Variants in CTNND2 observed in about 807,000 individuals in gnomAD.
The protein encoded by CTNND2 is catenin delta 2, also known as catenin delta-2.
A neutral mutation model predicts 144.4 loss-of-function variants in CTNND2; 22 were observed. The observed-to-expected ratio is 0.15, with a 90% CI of 0.11 to 0.22. The LOEUF (loss-of-function observed/expected upper bound fraction) is 0.22, where lower values mean the gene tolerates loss of function less well. CTNND2 is among the 10% of genes least tolerant of loss of function. The probability of loss-of-function intolerance (pLI) is 1.00; values close to 1 mark genes in which losing one functional copy is unlikely to be tolerated. For missense variants in CTNND2, 1,353 were observed against 1,618.8 expected, an observed-to-expected ratio of 0.84 and a Z score of 2.82; for synonymous variants, 751 against 695.6, an observed-to-expected ratio of 1.08 and a Z score of -1.25.
intron 3 of CTNND2, among the ~76,000 whole-genome samples, chr5:11,505,174 C>T (rs548959578): frequency 6.0e-5 from 9 of 149,768 alleles, no homozygotes; most frequent in South Asian, 2.1e-4. Context: ...AGAAAAAATA[C>T]GACAAATGAT....
At chr5:11,514,022 T>C (rs564882647) in intron 3 of CTNND2, among the ~76,000 whole-genome samples, 59 of 152,034 alleles carry the variant, frequency 3.9e-4, no homozygotes, top group Middle Eastern at 3.4e-3. Flanking sequence ...CTACAAAAAT[T>C]TAAAAAAAGA....
At chr5:11,419,425 G>T (rs1762192333) in intron 3 of CTNND2, among the ~76,000 whole-genome samples, 1 of 152,048 alleles carries the variant, frequency 6.6e-6, no homozygotes, top group African/African-American at 2.4e-5. Flanking sequence ...CTCAAATGAT[G>T]CCAAACAATT....
chr5:11,203,230 T>C (rs1190921511), intron 10 of CTNND2, among the ~76,000 whole-genome samples: 1 of 152,136 alleles, frequency 6.6e-6, no homozygotes, highest in Admixed American at 6.5e-5. Flanking sequence ...TGAAAACCTA[T>C]CAGAAGAAAC....
chr5:11,784,285 C>T (rs1189965852), intron 1 of CTNND2, among the ~76,000 whole-genome samples: 3 of 152,122 alleles, frequency 2.0e-5, no homozygotes, highest in East Asian at 1.9e-4. Flanking sequence ...AAAAAGGTAA[C>T]GTTTTAAATT....
intron 2 of CTNND2, among the ~76,000 whole-genome samples, chr5:11,577,678 G>T (rs1778072281): frequency 6.6e-6 from 1 of 152,052 alleles, no homozygotes; most frequent in African/African-American, 2.4e-5. Context: ...TTACCATCAG[G>T]CAAATTACAT....
At chr5:11,690,402 G>A (rs960864239) in intron 2 of CTNND2, among the ~76,000 whole-genome samples, 7 of 152,166 alleles carry the variant, frequency 4.6e-5, no homozygotes, top group Admixed American at 4.6e-4. Flanking sequence ...ACAGCGAAGT[G>A]AAGCAAAATG....
intron 1 of CTNND2, among the ~76,000 whole-genome samples, chr5:11,857,798 T>A (rs2127018073): frequency 6.6e-6 from 1 of 152,324 alleles, no homozygotes; most frequent in African/African-American, 2.4e-5. Flanking sequence ...ATGTGTTTTG[T>A]GATCGTGCAT....
chr5:11,133,412 A>T (rs556462846), intron 12 of CTNND2, among the ~76,000 whole-genome samples: 1 of 152,088 alleles, frequency 6.6e-6, no homozygotes, highest in African/African-American at 2.4e-5. Flanking sequence ...GAGTGCAATG[A>T]TGCGATCTTG....
At chr5:10,999,364 C>G (rs143456907) in intron 18 of CTNND2, among the ~76,000 whole-genome samples, 175 of 152,186 alleles carry the variant, frequency 1.1e-3, no homozygotes, top group African/African-American at 4.1e-3. Context: ...GTTAAAATAT[C>G]AACTTATTGT....
intron 3 of CTNND2, among the ~76,000 whole-genome samples, chr5:11,513,724 T>A (rs1771868799): frequency 6.6e-6 from 1 of 152,190 alleles, no homozygotes; most frequent in Non-Finnish European, 1.5e-5. Flanking sequence ...ACGTCTTAAT[T>A]TGCAAATGTG....
chr5:10,998,104 T>C (rs979379585), intron 18 of CTNND2, among the ~76,000 whole-genome samples: 1 of 152,232 alleles, frequency 6.6e-6, no homozygotes, highest in Non-Finnish European at 1.5e-5. Context: ...GGAACTCCTA[T>C]ATGGATGCAC....
intron 12 of CTNND2, among the ~76,000 whole-genome samples, chr5:11,149,625 G>C (rs1044369327): frequency 3.3e-5 from 5 of 152,078 alleles, no homozygotes; most frequent in Non-Finnish European, 5.9e-5. Flanking sequence ...TGATGTATTT[G>C]TACCTCTACG....
chr5:11,732,967 G>C (rs572405701), intron 1 of CTNND2, among the ~76,000 whole-genome samples: 1 of 152,082 alleles, frequency 6.6e-6, no homozygotes, highest in Admixed American at 6.5e-5. Flanking sequence ...GACTGGGTTC[G>C]TAGAGCTTCT....
intron 3 of CTNND2, among the ~76,000 whole-genome samples, chr5:11,484,728 G>C (rs1291088895): frequency 1.3e-5 from 2 of 152,186 alleles, no homozygotes; most frequent in Non-Finnish European, 2.9e-5. Flanking sequence ...TATGGAGCAA[G>C]TATGAACTCA....
chr5:11,840,488 C>T (rs573783381), intron 1 of CTNND2, among the ~76,000 whole-genome samples: 5 of 152,202 alleles, frequency 3.3e-5, no homozygotes, highest in African/African-American at 1.2e-4. Flanking sequence ...CGATAAATAT[C>T]TTCTATGGTT....
intron 9 of CTNND2, among the ~76,000 whole-genome samples, chr5:11,260,264 T>TTA (rs1322926054): frequency 6.6e-6 from 1 of 152,202 alleles, no homozygotes; most frequent in Non-Finnish European, 1.5e-5. Flanking sequence ...TTCCTGGTGT[T>TTA]TAGACCTCTT....
At chr5:11,022,689 C>A (rs1251669295) in intron 17 of CTNND2, 80 bp downstream of exon 17, 3 of 1,025,036 alleles carry the variant, frequency 2.9e-6, no homozygotes, top group Non-Finnish European at 4.6e-6. Context: ...AGTCATAGTA[C>A]TACCCGTCAT....
intron 16 of CTNND2, among the ~76,000 whole-genome samples, chr5:11,074,952 AC>A (rs1197171180): frequency 1.4e-5 from 2 of 143,696 alleles, no homozygotes; most frequent in Admixed American, 1.4e-4. Context: ...CCCCCTGCCC[AC>A]CCCCCACCTC....
intron 12 of CTNND2, among the ~76,000 whole-genome samples, chr5:11,154,376 A>C (rs1424793232): frequency 6.6e-6 from 1 of 152,208 alleles, no homozygotes; most frequent in African/African-American, 2.4e-5. Flanking sequence ...TTTGGCCGAG[A>C]CAGCCACATC....
Sources: allele counts gnomAD v4.1 joint callset (sites outside exome capture counted in the v4.1 genomes callset), GRCh38; gene constraint gnomAD v4.1.1; transcripts MANE v1.5; gene names NCBI Gene and HGNC (gene_info 2026-07-23, HGNC 2026-07-21).